Variants in CACNA2D3 observed in about 807,000 individuals in gnomAD.
The protein encoded by CACNA2D3 is voltage-dependent calcium channel subunit alpha-2/delta-3.
Under a neutral mutation model 160.6 loss-of-function variants are expected in CACNA2D3, and 60 were observed. The observed-to-expected ratio is 0.37, with a 90% confidence interval of 0.30 to 0.46. The LOEUF is 0.46. Ranked by LOEUF, CACNA2D3 falls within the 20% of genes least tolerant of loss-of-function variation. The pLI, the probability that CACNA2D3 is intolerant of heterozygous loss-of-function variation, is 1.00. For missense variants in CACNA2D3, 1,205 were observed against 1,365.0 expected (o/e 0.88, Z 1.85); for synonymous variants, 558 against 492.9 (o/e 1.13, Z -1.75).
chr3:54,288,693 A>G (rs1365074067), intron 2 of CACNA2D3, among the ~76,000 whole-genome samples: 1 of 152,166 alleles, frequency 6.6e-6, no homozygotes, highest in Non-Finnish European at 1.5e-5. Context: ...GGCAAACTGA[A>G]TCCAGCAGCA....
intron 4 of CACNA2D3, among the ~76,000 whole-genome samples, chr3:54,459,301 T>G (rs1700456013): frequency 6.8e-6 from 1 of 147,266 alleles, no homozygotes; most frequent in South Asian, 2.3e-4. Flanking sequence ...ATGGGATGGC[T>G]GGGTCAAATG....
intron 11 of CACNA2D3, among the ~76,000 whole-genome samples, chr3:54,677,348 C>T (rs555239239): frequency 2.6e-5 from 4 of 152,254 alleles, no homozygotes; most frequent in African/African-American, 9.6e-5. Context: ...TAAGTTTTCT[C>T]CTTTTTTCAC....
chr3:55,011,003 C>G (rs1703199274), intron 34 of CACNA2D3, among the ~76,000 whole-genome samples: 1 of 152,236 alleles, frequency 6.6e-6, no homozygotes. Context: ...ACAAATCTTT[C>G]TGGTGCTAGG....
intron 2 of CACNA2D3, among the ~76,000 whole-genome samples, chr3:54,268,933 A>T (rs1222410320): frequency 6.6e-6 from 1 of 152,198 alleles, no homozygotes; most frequent in East Asian, 1.9e-4. Flanking sequence ...TTCTGGAAGT[A>T]TGTGGCTTCA....
chr3:54,525,164 G>A (rs1260918450), intron 5 of CACNA2D3, among the ~76,000 whole-genome samples: 1 of 152,014 alleles, frequency 6.6e-6, no homozygotes. Flanking sequence ...TATTTAAAAT[G>A]TATTTCTGGA....
chr3:54,533,807 G>A (rs1165007595), intron 5 of CACNA2D3, among the ~76,000 whole-genome samples: 1 of 150,512 alleles, frequency 6.6e-6, no homozygotes, highest in Non-Finnish European at 1.5e-5. Context: ...GTGTGTGTGT[G>A]TGTGTGTGTG....
At chr3:54,835,603 T>C (rs1481782501) in intron 14 of CACNA2D3, among the ~76,000 whole-genome samples, 1 of 152,204 alleles carries the variant, frequency 6.6e-6, no homozygotes, top group Admixed American at 6.5e-5. Flanking sequence ...TCTTTCCAAG[T>C]AGATTGAGGG....
At chr3:54,160,493 C>CTT (rs1183945523) in intron 2 of CACNA2D3, among the ~76,000 whole-genome samples, 2 of 152,066 alleles carry the variant, frequency 1.3e-5, no homozygotes, top group African/African-American at 4.8e-5. Flanking sequence ...GAGGGTGACT[C>CTT]TGTCTCAAAA....
In CACNA2D3 at chr3:54,809,565, G is replaced by A. The variant is rs564786551; in HGVS notation, c.1381-7288G>A. On this transcript the variant is annotated intron_variant, in intron 13 of 37. Transcript: ENST00000474759. Reference sequence around the variant, plus strand: ...GATCTCCTGACCTCATGATCCACCCGCCTCGGCCTCCCAAAGTGCTGGGAT... The same window carrying A: ...GATCTCCTGACCTCATGATCCACCCACCTCGGCCTCCCAAAGTGCTGGGAT... 7.3e-4 allele frequency among the ~76,000 whole-genome samples: 102 copies of A among 140,386 alleles called. 7 individuals are homozygous for A. The highest frequency in any genetic ancestry group is 2.9e-3 in the African/African-American group (91 of 31,442). 92.1% of individuals were successfully genotyped at this position (140,386 alleles called of 152,430 possible).
At chr3:55,009,615 T>C (rs989118976) in intron 34 of CACNA2D3, among the ~76,000 whole-genome samples, 172 bp downstream of exon 34, 1 of 152,226 alleles carries the variant, frequency 6.6e-6, no homozygotes, top group African/African-American at 2.4e-5. Flanking sequence ...TGCTATCTAG[T>C]CTGACACAGA....
At chr3:54,370,376 T>C (rs1387814590) in intron 3 of CACNA2D3, among the ~76,000 whole-genome samples, 1 of 152,214 alleles carries the variant, frequency 6.6e-6, no homozygotes, top group African/African-American at 2.4e-5. Context: ...TTGTTCACAG[T>C]TATTGCAAAT....
intron 2 of CACNA2D3, among the ~76,000 whole-genome samples, chr3:54,149,930 TCC>T (rs1333739225): frequency 0.085 from 3,443 of 40,310 alleles, 210 homozygotes; most frequent in Non-Finnish European, 0.11. Flanking sequence ...TCTCTCTCTC[TCC>T]CTCCCTCCCT....
chr3:54,290,206 T>A (rs993961650), intron 2 of CACNA2D3, among the ~76,000 whole-genome samples: 5 of 151,866 alleles, frequency 3.3e-5, no homozygotes, highest in African/African-American at 1.2e-4. Flanking sequence ...TCAAACAAAT[T>A]TACAAGAAAA....
rs185018202 is a variant in CACNA2D3, at chr3:54,735,998, T to C, written c.1168-16601T>C. 1.4e-3 allele frequency among the ~76,000 whole-genome samples: 160 copies of C among 111,206 alleles called. 4 individuals carry two copies. The highest frequency in any genetic ancestry group is 9.3e-3 in the East Asian group (44 of 4,734). 73.0% of individuals were successfully genotyped at this position (111,206 alleles called of 152,430 possible). A position where few individuals can be genotyped will look rare whatever the true frequency, so the allele number is the denominator to read the frequency against. The stretch of plus-strand genomic sequence containing the variant: ...CCATGCATGTATATATATATACATA[T>C]ATATATATGTATATATATACACATA... On this transcript the variant is annotated intron_variant, in intron 11 of 37. Coordinates refer to ENST00000474759, the MANE Select transcript of CACNA2D3 (RefSeq NM_018398.3).
chr3:54,147,016 G>A (rs1334913052), intron 2 of CACNA2D3, among the ~76,000 whole-genome samples: 1 of 152,246 alleles, frequency 6.6e-6, no homozygotes, highest in African/African-American at 2.4e-5. Context: ...AGTGAATGAG[G>A]CTGATAATAT....
At chr3:54,174,207 G>T (rs184356126) in intron 2 of CACNA2D3, among the ~76,000 whole-genome samples, 1 of 152,264 alleles carries the variant, frequency 6.6e-6, no homozygotes, top group East Asian at 1.9e-4. Context: ...GAGGAATTTG[G>T]CCATAGTTTG....
intron 3 of CACNA2D3, among the ~76,000 whole-genome samples, chr3:54,367,130 A>G (rs751555031): frequency 3.3e-5 from 5 of 152,176 alleles, no homozygotes; most frequent in Admixed American, 6.5e-5. Flanking sequence ...TTCTCTTAGT[A>G]CCAGCTTACC....
chr3:55,045,530 G>C (rs1476907290), intron 35 of CACNA2D3, among the ~76,000 whole-genome samples: 1 of 152,156 alleles, frequency 6.6e-6, no homozygotes, highest in East Asian at 1.9e-4. Flanking sequence ...TGGGCTTAGA[G>C]ATTTCGTTGT....
intron 4 of CACNA2D3, among the ~76,000 whole-genome samples, chr3:54,412,799 T>C (rs557475574): frequency 6.6e-6 from 1 of 151,932 alleles, no homozygotes; most frequent in African/African-American, 2.4e-5. Flanking sequence ...CATCACTTAA[T>C]TTCTCTATTG....
Sources: gnomAD v4.1 joint callset for allele counts (sites outside exome capture counted in the v4.1 genomes callset) on GRCh38, gnomAD v4.1.1 for gene constraint, MANE v1.5 for transcripts, NCBI Gene and HGNC (gene_info 2026-07-23, HGNC 2026-07-21) for gene names.